TNRC6A: variants seen among roughly 807,000 people sequenced by gnomAD.
TNRC6A encodes the protein trinucleotide repeat containing adaptor 6A, also known as trinucleotide repeat-containing gene 6A protein.
TNRC6A carries 44 observed loss-of-function variants against 221.2 expected under a neutral mutation model. The ratio of observed to expected loss-of-function variants is 0.20; its 90% CI spans 0.16 to 0.26. TNRC6A has a LOEUF of 0.26. TNRC6A is among the 10% of genes least tolerant of loss of function. The probability of loss-of-function intolerance (pLI) is 1.00; values close to 1 mark genes in which losing one functional copy is unlikely to be tolerated. For synonymous variants in TNRC6A, 847 were observed against 838.5 expected (o/e 1.01, Z -0.18); for missense variants, 2,199 against 2,404.4 (o/e 0.91, Z 1.79).
intron 4 of TNRC6A, among the ~76,000 whole-genome samples, chr16:24,758,892 G>C (rs376324315): frequency 6.6e-6 from 1 of 151,884 alleles, no homozygotes. Flanking sequence ...AAAAGACATC[G>C]GAGTGATAAG....
At chr16:24,738,490 TTTC>T (rs1449892709) in intron 2 of TNRC6A, among the ~76,000 whole-genome samples, 1 of 152,192 alleles carries the variant, frequency 6.6e-6, no homozygotes, top group East Asian at 1.9e-4. Context: ...ACTAATCTAC[TTTC>T]TATTATAACT....
chr16:24,728,461 A>G (rs2056530545), upstream of TNRC6A, among the ~76,000 whole-genome samples: 4 of 144,384 alleles, frequency 2.8e-5, no homozygotes, highest in African/African-American at 1.0e-4. Flanking sequence ...AAATGATAAT[A>G]TAATAAAAAA....
chr16:24,686,546 A>C (rs2055629596), intron 2 of TNRC6A, among the ~76,000 whole-genome samples: 1 of 152,132 alleles, frequency 6.6e-6, no homozygotes, highest in Non-Finnish European at 1.5e-5. Context: ...TTCATAAATA[A>C]TTATTTACTC....
chr16:24,688,601 T>C (rs1385540354), intron 2 of TNRC6A, among the ~76,000 whole-genome samples: 1 of 152,234 alleles, frequency 6.6e-6, no homozygotes, highest in Non-Finnish European at 1.5e-5. Context: ...GACTGGGCAA[T>C]GACCCAACTA....
Position 24,795,943 on chromosome 16 carries a change from T to C in TNRC6A, c.3561+4T>C, listed in dbSNP as rs759128383. 6.2e-6 allele frequency: 10 copies of C among 1,613,108 alleles called. No homozygotes were observed. Among genetic ancestry groups the C allele is most frequent in the Non-Finnish European group, 8.5e-6 (10 of 1,179,238 alleles). ...CAAAAAAAGGAGAAGGGAAAGGGTG[T>C]GTAGCCTTTTTACTCTTTCTCCTTT... On this transcript the variant is annotated splice_donor_region_variant and intron_variant, in intron 9 of 24. Transcript: ENST00000395799.
At chr16:24,716,365 C>G (rs1198136950) in intron 2 of TNRC6A, among the ~76,000 whole-genome samples, 2 of 152,044 alleles carry the variant, frequency 1.3e-5, no homozygotes, top group Non-Finnish European at 2.9e-5. Flanking sequence ...ACTGTTATTC[C>G]TCATCAAACA....
chr16:24,821,736 A>G (rs1450678870), intron 22 of TNRC6A: 1 of 273,030 alleles, frequency 3.7e-6, no homozygotes, highest in Non-Finnish European at 7.0e-6. Flanking sequence ...GTGATCAGAC[A>G]CTACTGAAGT....
At chr16:24,748,422 C>T (rs1288591554) in intron 2 of TNRC6A, among the ~76,000 whole-genome samples, 4 of 152,000 alleles carry the variant, frequency 2.6e-5, no homozygotes, top group East Asian at 1.9e-4. Flanking sequence ...GTCTTACTAC[C>T]TCCTGCACAC....
intron 2 of TNRC6A, among the ~76,000 whole-genome samples, chr16:24,738,506 A>G (rs183837935): frequency 1.3e-5 from 2 of 152,250 alleles, no homozygotes; most frequent in East Asian, 1.9e-4. Flanking sequence ...TTATAACTCT[A>G]TGGACTTACC....
chr16:24,788,964 A>G (rs950283668), intron 5 of TNRC6A, among the ~76,000 whole-genome samples: 1 of 152,078 alleles, frequency 6.6e-6, no homozygotes. Flanking sequence ...TCTTTTATTT[A>G]CCGATATGTT....
rs1405256514 is a variant in TNRC6A at position 24,791,022 on chromosome 16, G to A, written c.2380G>A (p.Asp794Asn). The change falls in exon 6 of 25, where the codon GAT (aspartate) becomes AAT (asparagine). Residue 794 changes from aspartate (D) to asparagine (N), a missense_variant. Transcript: ENST00000395799. ...GDPKPALRWG[D>N]SKGSNCQGGW... is the part of the protein sequence containing the mutation. ...TCCCAAACCTGCTCTGAGGTGGGGA[G>A]ATTCCAAAGGCTCAAACTGCCAGGG... 6 of 1,591,094 alleles carry A rather than the reference G, an allele frequency of 3.8e-6. No individual in the cohort carries two copies. The highest frequency in any genetic ancestry group is 2.7e-5 in the African/African-American group (2 of 74,458).
chr16:24,815,007 A>T, intron 18 of TNRC6A, 140 bp from the exon 19 acceptor site: 1 of 862,120 alleles, frequency 1.2e-6, no homozygotes. Flanking sequence ...TTAGAATCTC[A>T]ATATAAAAGA....
chr16:24,709,046 C>T (rs1169781690), intron 2 of TNRC6A, among the ~76,000 whole-genome samples: 3 of 152,020 alleles, frequency 2.0e-5, no homozygotes, highest in African/African-American at 7.2e-5. Flanking sequence ...TGCCTGAGGT[C>T]GGGAGTTCGA....
intron 2 of TNRC6A, among the ~76,000 whole-genome samples, chr16:24,718,243 T>C (rs2056350902): frequency 6.6e-6 from 1 of 152,214 alleles, no homozygotes; most frequent in Non-Finnish European, 1.5e-5. Context: ...CACGAGAGCA[T>C]GTGAGATTCC....
At chr16:24,622,437 G>A (rs1316132253) in intron 1 of TNRC6A, among the ~76,000 whole-genome samples, 1 of 151,902 alleles carries the variant, frequency 6.6e-6, no homozygotes, top group African/African-American at 2.4e-5. Flanking sequence ...CCTGTTTCTG[G>A]TAAAAGCACA....
At position 24,805,751 on chromosome 16, in the gene TNRC6A, CT is replaced by C. The variant is rs1567505493; in HGVS notation, c.4251+21del. The C allele has an allele frequency of 6.2e-7, 1 of 1,614,084 alleles. No homozygotes were observed. Among genetic ancestry groups the C allele is most frequent in the East Asian group, 2.2e-5 (1 of 44,888 alleles). On this transcript the variant is annotated intron_variant, in intron 15 of 24. Transcript: ENST00000395799. ...AGTTACAGGTAAGCAGAGTCATAGT[CT>C]TTCTTAGTACACATTTATGGAGCAT...
intron 2 of TNRC6A, among the ~76,000 whole-genome samples, chr16:24,675,684 CTCTCTCTCTCTCTCTCTCTATA>C (rs1264352700): frequency 1.2e-5 from 1 of 81,652 alleles, no homozygotes; most frequent in Non-Finnish European, 2.3e-5. Flanking sequence ...CTCTCTCTCT[CTCTCTCTCTCTCTCTCTCTATA>C]TATATATATA....
chr16:24,680,898 T>A (rs960189078), intron 2 of TNRC6A, among the ~76,000 whole-genome samples: 1 of 151,642 alleles, frequency 6.6e-6, no homozygotes, highest in African/African-American at 2.4e-5. Context: ...TAGCTGAGAC[T>A]ACAGGCGTGC....
Position 24,790,465 on chromosome 16 carries a change from C to A in TNRC6A, c.1823C>A (p.Thr608Asn). 1.9e-6 allele frequency: 3 copies of A among 1,614,242 alleles called. No homozygotes were observed. Among genetic ancestry groups the A allele is most frequent in the Non-Finnish European group, 2.5e-6 (3 of 1,180,044 alleles). The part of the protein sequence containing the change: ...RRGWGTPAQN[T>N]GTNLPSVEWN... ...GGATGGGGAACCCCTGCACAAAACACTGGCACTAATTTACCCAGCGTTGAG... is the reference window on the plus strand; with the variant it reads ...GGATGGGGAACCCCTGCACAAAACAATGGCACTAATTTACCCAGCGTTGAG... The change falls in exon 6 of 25, where the codon ACT (threonine) becomes AAT (asparagine). Residue 608 changes from threonine to asparagine, a missense_variant. This residue lies in a region of TNRC6A where 1,405 missense variants were observed against 1,400.2 expected (regional missense o/e 1.00). Coordinates refer to ENST00000395799, the MANE Select transcript of TNRC6A (RefSeq NM_014494.4).
Sources: gnomAD v4.1 joint callset for allele counts (sites outside exome capture counted in the v4.1 genomes callset) on GRCh38, gnomAD v4.1.1 for gene constraint, gnomAD v4.1.1 regional missense constraint, MANE v1.5 for transcripts, NCBI Gene and HGNC (gene_info 2026-07-23, HGNC 2026-07-21) for gene names.